Variants in NTM observed in about 807,000 individuals in gnomAD.
NTM encodes neurotrimin.
Under a neutral mutation model 42.1 loss-of-function variants are expected in NTM, and 13 were observed. The observed-to-expected ratio is 0.31, with a 90% CI of 0.20 to 0.49. The LOEUF (loss-of-function observed/expected upper bound fraction) is 0.49. Among genes scored for constraint, NTM ranks in the 20% least tolerant of loss-of-function variants. The probability of loss-of-function intolerance (pLI) is 0.99; values close to 1 mark genes in which losing one functional copy is unlikely to be tolerated. For missense variants in NTM, 373 were observed against 452.8 expected, an observed-to-expected ratio of 0.82 and a Z score of 1.60; for synonymous variants, 187 against 179.2, an observed-to-expected ratio of 1.04 and a Z score of -0.35.
In NTM at chr11:131,824,785, G is replaced by T. The variant is rs543041133; in HGVS notation, c.83-86779G>T. Among the ~76,000 whole-genome samples, 4 of 152,270 alleles carry T rather than the reference G, an allele frequency of 2.6e-5. No individual in the cohort carries two copies. In the South Asian group the frequency reaches 8.3e-4, roughly 32 times the overall value. ...TTATTTGGCTATGGAACTGGGGAAA[G>T]AGTAGGAGTTTAAAAAGTAAATGAG... On this transcript the variant is annotated intron_variant, in intron 1 of 8. Transcript: ENST00000683400.
chr11:132,211,087 A>G (rs976492761), intron 3 of NTM, among the ~76,000 whole-genome samples: 2 of 152,206 alleles, frequency 1.3e-5, no homozygotes, highest in South Asian at 2.1e-4. Flanking sequence ...GCAGAGAAGT[A>G]TAGAGGGTAG....
At chr11:132,235,993 GACAC>G (rs367555812) in intron 4 of NTM, among the ~76,000 whole-genome samples, 2,758 of 101,236 alleles carry the variant, frequency 0.027, 74 homozygotes, top group African/African-American at 0.074. Context: ...CACACACACA[GACAC>G]ACACACACAC....
At chr11:131,883,725 G>A (rs555199993) in intron 1 of NTM, among the ~76,000 whole-genome samples, 29 of 152,266 alleles carry the variant, frequency 1.9e-4, no homozygotes, top group African/African-American at 6.0e-4. Flanking sequence ...AAGATGACAA[G>A]CCAGCACCAA....
intron 1 of NTM, among the ~76,000 whole-genome samples, chr11:131,447,465 G>A (rs1950146443): frequency 6.6e-6 from 1 of 152,152 alleles, no homozygotes; most frequent in Admixed American, 6.5e-5. Flanking sequence ...CTGTGGCCGT[G>A]CAGGCTGGGG....
intron 1 of NTM, among the ~76,000 whole-genome samples, chr11:131,846,362 G>A (rs913883402): frequency 2.6e-5 from 4 of 152,014 alleles, no homozygotes; most frequent in Non-Finnish European, 5.9e-5. Flanking sequence ...TAAGTCAGTA[G>A]TTTCTTCTCG....
chr11:131,417,008 C>T (rs1377481497), intron 1 of NTM, among the ~76,000 whole-genome samples: 1 of 152,154 alleles, frequency 6.6e-6, no homozygotes, highest in African/African-American at 2.4e-5. Context: ...TATTGTCAAT[C>T]TTTTCATTTG....
chr11:132,203,105 G>C (rs1399994098), intron 3 of NTM, among the ~76,000 whole-genome samples: 1 of 152,112 alleles, frequency 6.6e-6, no homozygotes, highest in Non-Finnish European at 1.5e-5. Context: ...CAAAAGAATG[G>C]GGTCCTGTTG....
At chr11:131,378,405 C>T (rs770266526) in intron 1 of NTM, among the ~76,000 whole-genome samples, 1 of 152,176 alleles carries the variant, frequency 6.6e-6, no homozygotes, top group African/African-American at 2.4e-5. Context: ...AAAGAAAATA[C>T]TCAGCACCAG....
At chr11:132,235,615 A>T (rs1397483334) in intron 4 of NTM, among the ~76,000 whole-genome samples, 1 of 152,100 alleles carries the variant, frequency 6.6e-6, no homozygotes, top group Admixed American at 6.6e-5. Flanking sequence ...TGGGCTTTTT[A>T]TCAATTAGCT....
chr11:131,812,368 T>G (rs2092773638), intron 1 of NTM, among the ~76,000 whole-genome samples: 1 of 152,162 alleles, frequency 6.6e-6, no homozygotes, highest in Non-Finnish European at 1.5e-5. Context: ...CACCTCCAGT[T>G]AAGCATTCAG....
intron 1 of NTM, among the ~76,000 whole-genome samples, chr11:131,638,362 T>C (rs1214415863): frequency 1.3e-5 from 2 of 149,642 alleles, no homozygotes; most frequent in Non-Finnish European, 3.0e-5. Context: ...AGGTCAGGAG[T>C]TCAAGACCAG....
At chr11:132,121,109 C>A (rs116380275) in intron 2 of NTM, among the ~76,000 whole-genome samples, 2 of 152,116 alleles carry the variant, frequency 1.3e-5, no homozygotes, top group African/African-American at 2.4e-5. Context: ...AAGGGGCCAG[C>A]GGTTTCATTC....
intron 2 of NTM, among the ~76,000 whole-genome samples, chr11:132,064,061 G>T (rs528598738): frequency 4.6e-5 from 7 of 152,246 alleles, no homozygotes; most frequent in African/African-American, 1.2e-4. Flanking sequence ...CATCATGTTG[G>T]AAAAGCAGTG....
intron 4 of NTM, among the ~76,000 whole-genome samples, chr11:132,260,254 G>GA (rs1376180757): frequency 9.2e-6 from 1 of 108,578 alleles, no homozygotes; most frequent in Non-Finnish European, 1.9e-5. Flanking sequence ...AAATCACCCA[G>GA]CCTTTTTTTT....
At chr11:131,988,532 G>A (rs573681531) in intron 2 of NTM, among the ~76,000 whole-genome samples, 1 of 152,280 alleles carries the variant, frequency 6.6e-6, no homozygotes, top group South Asian at 2.1e-4. Flanking sequence ...TGGCAGTGGT[G>A]GATATTCCAT....
At chr11:131,429,166 T>A (rs1948448054) in intron 1 of NTM, among the ~76,000 whole-genome samples, 1 of 152,098 alleles carries the variant, frequency 6.6e-6, no homozygotes, top group South Asian at 2.1e-4. Context: ...TGCGTCTGAT[T>A]TTTAAGGGAT....
intron 1 of NTM, among the ~76,000 whole-genome samples, chr11:131,789,636 A>AGAAGAAGAAAAG (rs1555127949): frequency 6.5e-5 from 2 of 30,900 alleles, no homozygotes; most frequent in Middle Eastern, 0.013. Flanking sequence ...AAGAAGAAGA[A>AGAAGAAGAAAAG]AAGAAGAAGA....
chr11:131,397,940 T>C (rs1172040482), intron 1 of NTM, among the ~76,000 whole-genome samples: 3 of 152,210 alleles, frequency 2.0e-5, no homozygotes, highest in South Asian at 2.1e-4. Flanking sequence ...TTGACAATTA[T>C]GTCAGTACAA....
At chr11:131,888,803 T>G (rs748480806) in intron 1 of NTM, among the ~76,000 whole-genome samples, 14 of 152,128 alleles carry the variant, frequency 9.2e-5, no homozygotes, top group Non-Finnish European at 1.5e-4. Context: ...TTTTCCAGCC[T>G]GTGGGGTAGG....
Sources: allele counts gnomAD v4.1 joint callset (sites outside exome capture counted in the v4.1 genomes callset), GRCh38; gene constraint gnomAD v4.1.1; transcripts MANE v1.5; gene names NCBI Gene and HGNC (gene_info 2026-07-23, HGNC 2026-07-21).